Variants in PRKN observed in about 807,000 individuals in gnomAD.
The protein encoded by PRKN is E3 ubiquitin-protein ligase parkin.
PRKN carries 56 observed loss-of-function variants against 59.5 expected under a neutral mutation model. The ratio of observed to expected loss-of-function variants is 0.94; its 90% CI spans 0.76 to 1.18. The LOEUF is 1.18. PRKN is among the 50% of genes most tolerant of loss of function. The pLI, the probability that PRKN is intolerant of heterozygous loss-of-function variation, is 0.00. For synonymous variants in PRKN, 250 were observed against 222.1 expected (o/e 1.13, Z -1.12); for missense variants, 657 against 596.4 (o/e 1.10, Z -1.06).
At chr6:162,374,111 A>T (rs1047808897) in intron 2 of PRKN, among the ~76,000 whole-genome samples, 15 of 152,334 alleles carry the variant, frequency 9.8e-5, no homozygotes, top group African/African-American at 3.6e-4. Flanking sequence ...AAAATACGCA[A>T]GGAGGCAGCT....
At chr6:162,060,722 A>G (rs1243634117) in intron 4 of PRKN, among the ~76,000 whole-genome samples, 1 of 152,254 alleles carries the variant, frequency 6.6e-6, no homozygotes, top group Non-Finnish European at 1.5e-5. Context: ...TCTGCTCATC[A>G]TATGTGAGTA....
chr6:162,358,244 T>C (rs1373850695), intron 2 of PRKN, among the ~76,000 whole-genome samples: 3 of 152,194 alleles, frequency 2.0e-5, no homozygotes, highest in Admixed American at 6.5e-5. Context: ...CAGACAAAAG[T>C]TAGTTTATGA....
chr6:161,887,191 G>A, intron 6 of PRKN, among the ~76,000 whole-genome samples: 1 of 152,096 alleles, frequency 6.6e-6, no homozygotes, highest in Non-Finnish European at 1.5e-5. Context: ...TGGTTGTGTT[G>A]GATTACTGTA....
chr6:162,028,015 G>A (rs1287621235), intron 5 of PRKN, among the ~76,000 whole-genome samples: 2 of 151,672 alleles, frequency 1.3e-5, no homozygotes, highest in African/African-American at 2.4e-5. Flanking sequence ...AATATACTCC[G>A]AATACTGCCT....
chr6:161,569,505 A>G (rs1780789802), intron 7 of PRKN, 89 bp from the exon 8 acceptor site: 1 of 1,131,854 alleles, frequency 8.8e-7, no homozygotes, highest in East Asian at 2.4e-5. Context: ...ATCAACTGCC[A>G]GTGTTGCCTT....
chr6:162,602,148 C>T (rs1410263444), intron 1 of PRKN, among the ~76,000 whole-genome samples: 1 of 152,120 alleles, frequency 6.6e-6, no homozygotes, highest in East Asian at 1.9e-4. Context: ...AGAGCACCTC[C>T]GCGTAGTCCC....
chr6:161,569,549 A>T, intron 7 of PRKN, 133 bp from the exon 8 acceptor site: 1 of 771,396 alleles, frequency 1.3e-6, no homozygotes, highest in Non-Finnish European at 2.3e-6. Flanking sequence ...TGAAAAACAC[A>T]CATCTAACCA....
At chr6:161,894,977 A>G (rs1777557799) in intron 6 of PRKN, among the ~76,000 whole-genome samples, 1 of 152,212 alleles carries the variant, frequency 6.6e-6, no homozygotes, top group East Asian at 1.9e-4. Flanking sequence ...AATAGATGTT[A>G]TTTCTGAAGA....
intron 7 of PRKN, among the ~76,000 whole-genome samples, chr6:161,644,509 C>T (rs369922178): frequency 1.4e-4 from 21 of 152,320 alleles, no homozygotes; most frequent in African/African-American, 2.6e-4. Flanking sequence ...GCATGTCTTC[C>T]GGCAGCTACA....
intron 1 of PRKN, among the ~76,000 whole-genome samples, chr6:162,662,646 C>T (rs571486620): frequency 1.3e-5 from 2 of 152,170 alleles, no homozygotes; most frequent in South Asian, 2.1e-4. Context: ...CATATAGCTA[C>T]CCAATTTTCC....
chr6:161,783,528 G>T (rs1293837576), intron 7 of PRKN: 2 of 445,948 alleles, frequency 4.5e-6, no homozygotes, highest in Non-Finnish European at 8.5e-6. Context: ...CCTTACTTTT[G>T]TATGTTTGAA....
At position 162,265,602 on chromosome 6, in the gene PRKN, A is replaced by C. The variant is rs189137619; in HGVS notation, c.172-2837T>G. On this transcript the variant is annotated intron_variant, in intron 2 of 11. Coordinates refer to ENST00000366898, the MANE Select transcript of PRKN (RefSeq NM_004562.3). ...GCTACTCAAGAGGCTGAGGCAGGAG[A>C]ATCACTTAAACCCAGGAGGCGAAGG... is the stretch of plus-strand genomic sequence containing the variant. 1.9e-3 allele frequency among the ~76,000 whole-genome samples: 288 copies of C among 152,230 alleles called. 2 individuals are homozygous for C. Among genetic ancestry groups the C allele is most frequent in the Admixed American group, 3.5e-3 (53 of 15,274 alleles).
intron 1 of PRKN, among the ~76,000 whole-genome samples, chr6:162,534,932 C>T (rs1275099168): frequency 6.6e-6 from 1 of 152,092 alleles, no homozygotes. Flanking sequence ...GGAGAAGCAT[C>T]CTTACCTAAG....
chr6:162,514,369 A>G (rs1777756839), intron 1 of PRKN, among the ~76,000 whole-genome samples: 1 of 152,132 alleles, frequency 6.6e-6, no homozygotes. Context: ...CACGTAGGGC[A>G]GTTGTGGGGA....
chr6:161,430,248 A>C (rs954344893), intron 9 of PRKN, among the ~76,000 whole-genome samples: 13 of 152,314 alleles, frequency 8.5e-5, no homozygotes, highest in Admixed American at 5.2e-4. Context: ...TTATTATTGT[A>C]ACTATGTTAT....
At position 161,413,537 on chromosome 6, in the gene PRKN, T is replaced by G. The variant is rs1303112602; in HGVS notation, c.1084-26660A>C. Among the ~76,000 whole-genome samples, 1 of 152,006 alleles carries G rather than the reference T, an allele frequency of 6.6e-6. No individual in the cohort carries two copies. The stretch of plus-strand genomic sequence containing the variant: ...GGGAGAAGGCCGGAACCTGGCGGGC[T>G]CATGTGGGCACGCTGGCCATGGTGG... On this transcript the variant is annotated intron_variant, in intron 9 of 11. Coordinates refer to ENST00000366898, the MANE Select transcript of PRKN (RefSeq NM_004562.3). This position sits in a 1 kb window ranked among gnomAD's most constrained non-coding sequence, Gnocchi z 4.4.
intron 2 of PRKN, among the ~76,000 whole-genome samples, chr6:162,407,647 T>C (rs1788138485): frequency 6.6e-6 from 1 of 152,198 alleles, no homozygotes; most frequent in Non-Finnish European, 1.5e-5. Context: ...TCTCAATTCT[T>C]ATCACCTGCT....
At chr6:162,181,088 T>C (rs971355262) in intron 4 of PRKN, among the ~76,000 whole-genome samples, 1 of 152,160 alleles carries the variant, frequency 6.6e-6, no homozygotes, top group Non-Finnish European at 1.5e-5. Flanking sequence ...AAACAGCCCA[T>C]AACAATACAA....
rs570128321 is a variant in PRKN, at chr6:161,550,284, A to G, written c.934-1281T>C. Among the ~76,000 whole-genome samples the G allele has an allele frequency of 5.9e-5, 9 of 152,334 alleles. No homozygotes were observed. The South Asian group carries it at 1.0e-3, about 18-fold the overall frequency. ...GATCTAGAATATGTAGTTCCCTGAC[A>G]GCTGCTTTCAGAACCCTGGGTGTTA... is the stretch of plus-strand genomic sequence containing the variant. On this transcript the variant is annotated intron_variant, in intron 8 of 11. Coordinates refer to ENST00000366898, the MANE Select transcript of PRKN (RefSeq NM_004562.3). The surrounding 1 kb of genome is among the most constrained non-coding windows in gnomAD (Gnocchi z 4.0).
Sources: allele counts gnomAD v4.1 joint callset (sites outside exome capture counted in the v4.1 genomes callset), GRCh38; gene constraint gnomAD v4.1.1; non-coding constraint Gnocchi (gnomAD v3.1); transcripts MANE v1.5; gene names NCBI Gene and HGNC (gene_info 2026-07-23, HGNC 2026-07-21).